The following CACNA2D3 variants were observed in gnomAD, a reference collection of about 807,000 sequenced individuals.
CACNA2D3 encodes the protein voltage-dependent calcium channel subunit alpha-2/delta-3.
CACNA2D3 carries 60 observed loss-of-function variants against 160.6 expected under a neutral mutation model. The ratio of observed to expected loss-of-function variants is 0.37; its 90% CI spans 0.30 to 0.46. The LOEUF is 0.46. Among genes scored for constraint, CACNA2D3 ranks in the 20% least tolerant of loss-of-function variants. The probability of loss-of-function intolerance (pLI) is 1.00; values close to 1 mark genes in which losing one functional copy is unlikely to be tolerated. For missense variants in CACNA2D3, 1,205 were observed against 1,365.0 expected (o/e 0.88, Z 1.85); for synonymous variants, 558 against 492.9 (o/e 1.13, Z -1.75).
At chr3:54,840,250 C>T (rs1698789514) in intron 16 of CACNA2D3, among the ~76,000 whole-genome samples, 1 of 152,058 alleles carries the variant, frequency 6.6e-6, no homozygotes, top group Non-Finnish European at 1.5e-5. Context: ...CTCCAAGCTT[C>T]CTCTACCAGG....
At chr3:54,888,623 A>G (rs1319210934) in intron 24 of CACNA2D3, among the ~76,000 whole-genome samples, 1 of 152,164 alleles carries the variant, frequency 6.6e-6, no homozygotes, top group Non-Finnish European at 1.5e-5. Flanking sequence ...AGGAAGAACC[A>G]TTCCTTTTCC....
chr3:54,375,112 G>C (rs1028360698), intron 3 of CACNA2D3, among the ~76,000 whole-genome samples: 1 of 152,094 alleles, frequency 6.6e-6, no homozygotes, highest in African/African-American at 2.4e-5. Context: ...AGATGAGAAG[G>C]CTTCTTGTAC....
intron 17 of CACNA2D3, among the ~76,000 whole-genome samples, chr3:54,850,265 C>CG (rs908337480): frequency 2.0e-5 from 3 of 151,986 alleles, no homozygotes; most frequent in Non-Finnish European, 2.9e-5. Context: ...TCAAAGGGGC[C>CG]GGGGGGCTGC....
At chr3:54,625,696 A>T (rs888095344) in intron 9 of CACNA2D3, among the ~76,000 whole-genome samples, 26 of 152,096 alleles carry the variant, frequency 1.7e-4, no homozygotes, top group African/African-American at 5.8e-4. Context: ...TTTTACCATG[A>T]AGAACCCACC....
chr3:54,319,624 C>T (rs1394708633), intron 2 of CACNA2D3, among the ~76,000 whole-genome samples: 3 of 152,126 alleles, frequency 2.0e-5, no homozygotes, highest in Non-Finnish European at 4.4e-5. Context: ...TTTAGTTAAA[C>T]CGTGTTTTGG....
rs556241240 is a variant in CACNA2D3 at position 54,637,490 on chromosome 3, A to G, written c.1054-4638A>G. ...TAAGGGAACTGGGCAGGTGGGGATA[A>G]CTAAAAAGGAGTGCTTTAAAGAGTA... On this transcript the variant is annotated intron_variant, in intron 10 of 37. Coordinates refer to ENST00000474759, the MANE Select transcript of CACNA2D3 (RefSeq NM_018398.3). 9.5e-4 allele frequency among the ~76,000 whole-genome samples: 144 copies of G among 152,024 alleles called. 4 individuals are homozygous for G. Among genetic ancestry groups the G allele is most frequent in the African/African-American group, 3.4e-3 (139 of 41,340 alleles).
chr3:54,642,258 C>A lies in CACNA2D3; in HGVS notation c.1167+17C>A, dbSNP rs200300768. On this transcript the variant is annotated intron_variant, in intron 11 of 37. Coordinates refer to ENST00000474759, the MANE Select transcript of CACNA2D3 (RefSeq NM_018398.3). ...GATCGAAAGGTAAGTTGATGCTGAT[C>A]CCGTCTGTGCGGTGGACTCCTTGAG... The A allele has an allele frequency of 1.3e-6, 2 of 1,500,784 alleles. No homozygotes were observed. Among genetic ancestry groups the A allele is most frequent in the Admixed American group, 3.5e-5 (2 of 56,936 alleles). 93.0% of individuals were successfully genotyped at this position (1,500,784 alleles called of 1,614,324 possible).
At chr3:54,687,150 T>TTTTTTTTTTTC (rs57411136) in intron 11 of CACNA2D3, among the ~76,000 whole-genome samples, 1 of 130,308 alleles carries the variant, frequency 7.7e-6, no homozygotes, top group South Asian at 2.6e-4. Flanking sequence ...TTTTTTTTTT[T>TTTTTTTTTTTC]GTTTTTTTGA....
intron 9 of CACNA2D3, chr3:54,626,415 G>A (rs1699104153): frequency 1.9e-6 from 3 of 1,581,662 alleles, no homozygotes; most frequent in African/African-American, 1.3e-5. Flanking sequence ...AGGAGGCGCT[G>A]CCCATGGAGA....
At chr3:54,725,276 CT>C (rs1193043850) in intron 11 of CACNA2D3, among the ~76,000 whole-genome samples, 2 of 152,086 alleles carry the variant, frequency 1.3e-5, no homozygotes, top group Non-Finnish European at 2.9e-5. Context: ...AATTAATAGC[CT>C]ACCAACCAAA....
intron 4 of CACNA2D3, among the ~76,000 whole-genome samples, chr3:54,394,318 A>ATTTTTT (rs34291779): frequency 0.14 from 18,789 of 138,652 alleles, 1,565 homozygotes; most frequent in Admixed American, 0.24. Context: ...GAGAGTGAAC[A>ATTTTTT]TTTTTTTTTT....
chr3:54,626,774 A>G (rs1699125092), intron 9 of CACNA2D3: 1 of 625,676 alleles, frequency 1.6e-6, no homozygotes, highest in African/African-American at 1.8e-5. Flanking sequence ...TGGTGCCACC[A>G]TGGGTGTGGG....
chr3:54,859,909 C>G (rs892617047), intron 17 of CACNA2D3, among the ~76,000 whole-genome samples: 2 of 151,056 alleles, frequency 1.3e-5, no homozygotes, highest in Non-Finnish European at 2.9e-5. Flanking sequence ...GCAATTCACC[C>G]CAGGCAGAGC....
chr3:54,158,144 A>C (rs1385336674), intron 2 of CACNA2D3, among the ~76,000 whole-genome samples: 1 of 152,010 alleles, frequency 6.6e-6, no homozygotes, highest in East Asian at 1.9e-4. Context: ...AGGGGCTGGG[A>C]GGTATTAGGA....
chr3:54,778,199 C>T (rs1702459246), intron 13 of CACNA2D3, among the ~76,000 whole-genome samples: 1 of 152,118 alleles, frequency 6.6e-6, no homozygotes, highest in South Asian at 2.1e-4. Flanking sequence ...CTTATGACCA[C>T]TCACTCACTG....
intron 17 of CACNA2D3, among the ~76,000 whole-genome samples, chr3:54,850,301 T>C (rs921859931): frequency 6.6e-5 from 10 of 152,184 alleles, no homozygotes; most frequent in Admixed American, 1.3e-4. Flanking sequence ...AGACACCTGT[T>C]CTCAAGGTGG....
At chr3:54,146,581 A>G (rs1433198378) in intron 2 of CACNA2D3, among the ~76,000 whole-genome samples, 2 of 151,824 alleles carry the variant, frequency 1.3e-5, no homozygotes, top group Admixed American at 1.3e-4. Context: ...GGGCTGACAC[A>G]GGAATGTGGG....
chr3:54,279,201 T>C (rs1217066859), intron 2 of CACNA2D3, among the ~76,000 whole-genome samples: 1 of 152,048 alleles, frequency 6.6e-6, no homozygotes, highest in Non-Finnish European at 1.5e-5. Context: ...GTTTCATGAG[T>C]GGAATGCACA....
intron 11 of CACNA2D3, among the ~76,000 whole-genome samples, chr3:54,729,588 C>T (rs951583088): frequency 4.6e-5 from 7 of 152,204 alleles, no homozygotes; most frequent in Non-Finnish European, 1.0e-4. Flanking sequence ...GAAATGCCAG[C>T]TTTCCTCCAT....
Sources: allele counts gnomAD v4.1 joint callset (sites outside exome capture counted in the v4.1 genomes callset), GRCh38; gene constraint gnomAD v4.1.1; transcripts MANE v1.5; gene names NCBI Gene and HGNC (gene_info 2026-07-23, HGNC 2026-07-21).